The following SEPTIN5 variants were observed in gnomAD, a reference collection of about 807,000 sequenced individuals.
SEPTIN5 encodes septin-5.
Under a neutral mutation model 51.2 loss-of-function variants are expected in SEPTIN5, and 16 were observed. That is an observed-to-expected ratio of 0.31 (90% confidence interval 0.21 to 0.47). The LOEUF (loss-of-function observed/expected upper bound fraction) is 0.47. Among genes scored for constraint, SEPTIN5 ranks in the 20% least tolerant of loss-of-function variants. The pLI is 0.99. For missense variants in SEPTIN5, 376 were observed against 500.3 expected, an observed-to-expected ratio of 0.75 and a Z score of 2.37; for synonymous variants, 208 against 191.2, an observed-to-expected ratio of 1.09 and a Z score of -0.72.
intron 2 of SEPTIN5, among the ~76,000 whole-genome samples, chr22:19,715,731 C>T (rs1015166341): frequency 2.0e-5 from 3 of 152,058 alleles, no homozygotes; most frequent in Admixed American, 1.3e-4. Context: ...GGCAGGAGGG[C>T]GGGCAGGGGG....
At chr22:19,719,530 T>G in intron 2 of SEPTIN5, 72 bp from the exon 3 acceptor site, 2 of 1,254,118 alleles carry the variant, frequency 1.6e-6, no homozygotes, top group Non-Finnish European at 2.3e-6. Context: ...TCATACCGCA[T>G]TTGGTAAGAG....
chr22:19,715,041 G>T (rs927599907), intron 2 of SEPTIN5, among the ~76,000 whole-genome samples: 1 of 152,250 alleles, frequency 6.6e-6, no homozygotes, highest in Admixed American at 6.5e-5. Context: ...GATGGGCAGA[G>T]TGTCCCCCTC....
rs765595328 is a variant in SEPTIN5 at position 19,714,730 on chromosome 22, C to T, written c.44-51C>T. ...TCCGTCTCTCCCCCGCCCGCCGGCC[C>T]GGACCCGCTCGGAACCGGACCCGGA... On this transcript the variant is annotated intron_variant, in intron 1 of 11. Transcript: ENST00000455784. The surrounding 1 kb of genome is among the most constrained non-coding windows in gnomAD (Gnocchi z 5.2). 5.1e-6 allele frequency: 8 copies of T among 1,571,516 alleles called. No individual in the cohort carries two copies. The highest frequency in any genetic ancestry group is 3.8e-4 in the Middle Eastern group (2 of 5,276).
intron 2 of SEPTIN5, among the ~76,000 whole-genome samples, chr22:19,715,587 T>C (rs563170681): frequency 2.6e-5 from 4 of 152,278 alleles, no homozygotes; most frequent in Admixed American, 2.0e-4. Flanking sequence ...AGCTCAGCCA[T>C]CTTTGGAGGA....
chr22:19,714,560 G>C lies in SEPTIN5; in HGVS notation c.-29G>C. The C allele has an allele frequency of 7.3e-7, 1 of 1,375,322 alleles. No homozygotes were observed. The highest frequency in any genetic ancestry group is 9.4e-7 in the Non-Finnish European group (1 of 1,064,326). 85.2% of individuals were successfully genotyped at this position (1,375,322 alleles called of 1,614,324 possible). A position where few individuals can be genotyped will look rare whatever the true frequency, so the allele number is the denominator to read the frequency against. On this transcript the variant is annotated 5_prime_UTR_variant, in exon 1 of 12. Transcript: ENST00000455784. This position sits in a 1 kb window ranked among gnomAD's most constrained non-coding sequence, Gnocchi z 5.2. Reference sequence around the variant, plus strand: ...GTCGTCGCGCCCCGCCCGCGAGCCCGCCCCGCACGTCCCCCGCCGGCGGCC... The same window carrying C: ...GTCGTCGCGCCCCGCCCGCGAGCCCCCCCCGCACGTCCCCCGCCGGCGGCC...
Position 19,720,252 on chromosome 22 carries a change from G to C in SEPTIN5, c.362+14G>C. 2 of 1,613,510 alleles carry C rather than the reference G, an allele frequency of 1.2e-6. No individual in the cohort carries two copies. Among genetic ancestry groups the C allele is most frequent in the Non-Finnish European group, 1.7e-6 (2 of 1,180,002 alleles). ...CAACACCGAGTGGTGAGTGAGGCCT[G>C]CTGAGAAAGGCCTTGCCTAGGCGGC... On this transcript the variant is annotated intron_variant, in intron 5 of 11. Transcript: ENST00000455784.
chr22:19,720,635 T>G lies in SEPTIN5; in HGVS notation c.584T>G (p.Val195Gly). The change falls in exon 7 of 12, where the codon GTC becomes GGC. Residue 195 changes from valine to glycine, a missense_variant. Val to Gly is a moderately radical substitution (Grantham distance 109, BLOSUM62 -3). Coordinates refer to ENST00000455784, the MANE Select transcript of SEPTIN5 (RefSeq NM_002688.6). ...VPLIAKADCL[V>G]PSEIRKLKER... ...CTCATCGCCAAAGCTGACTGTCTTG[T>G]CCCCAGTGAGATCCGGAAGCTGAAG... 1 of 1,612,874 alleles carries G rather than the reference T, an allele frequency of 6.2e-7. No homozygotes were observed. Among genetic ancestry groups the G allele is most frequent in the Non-Finnish European group, 8.5e-7 (1 of 1,180,002 alleles).
In SEPTIN5 at chr22:19,720,880, A is replaced by G. The variant is rs926397210; in HGVS notation, c.717+11A>G. 3.7e-6 allele frequency: 6 copies of G among 1,609,976 alleles called. No individual in the cohort carries two copies. The highest frequency in any genetic ancestry group is 3.3e-4 in the Middle Eastern group (2 of 6,076). On this transcript the variant is annotated intron_variant, in intron 8 of 11. Coordinates refer to ENST00000455784, the MANE Select transcript of SEPTIN5 (RefSeq NM_002688.6). Reference sequence around the variant, plus strand: ...GACCGGGAACTGAAGGTGAACATGCAGACTGGTGGGGCAGGGGGGATGGAG... The same window carrying G: ...GACCGGGAACTGAAGGTGAACATGCGGACTGGTGGGGCAGGGGGGATGGAG...
At chr22:19,716,063 C>T (rs1247570795) in intron 2 of SEPTIN5, among the ~76,000 whole-genome samples, 1 of 152,234 alleles carries the variant, frequency 6.6e-6, no homozygotes, top group Non-Finnish European at 1.5e-5. Flanking sequence ...TTGGGTGCAG[C>T]CAGGTTCTCT....
At chr22:19,721,298 G>A (rs1936026637) in intron 8 of SEPTIN5, among the ~76,000 whole-genome samples, 1 of 151,990 alleles carries the variant, frequency 6.6e-6, no homozygotes, top group Admixed American at 6.6e-5. Flanking sequence ...CCATGCCAGG[G>A]GCAGGTGGCC....
Position 19,722,789 on chromosome 22 carries a change from T to TGGCA in SEPTIN5, c.*314_*317dup. The stretch of plus-strand genomic sequence containing the variant: ...AGCACCCAAACCGCAGGCCCTGCTC[T>TGGCA]GGCAGGCAGGCAAAGCTAGGCAGAA... On this transcript the variant is annotated 3_prime_UTR_variant, in exon 12 of 12. Coordinates refer to ENST00000455784, the MANE Select transcript of SEPTIN5 (RefSeq NM_002688.6). 3.9e-6 allele frequency: 2 copies of TGGCA among 514,822 alleles called. No homozygotes were observed. The highest frequency in any genetic ancestry group is 7.1e-6 in the Non-Finnish European group (2 of 283,630). 31.9% of individuals were successfully genotyped at this position (514,822 alleles called of 1,614,324 possible).
rs1256628698 is a variant in SEPTIN5, at chr22:19,714,964, G to A, written c.54+173G>A. On this transcript the variant is annotated intron_variant, in intron 2 of 11. Coordinates refer to ENST00000455784, the MANE Select transcript of SEPTIN5 (RefSeq NM_002688.6). The surrounding 1 kb of genome is among the most constrained non-coding windows in gnomAD (Gnocchi z 5.2). Reference sequence around the variant, plus strand: ...CCGCCGCGCCTGGGGCTTCAGAGGAGAGGAGTGGGGGCCCTGGTCCCCGGA... The same window carrying A: ...CCGCCGCGCCTGGGGCTTCAGAGGAAAGGAGTGGGGGCCCTGGTCCCCGGA... 6.6e-6 allele frequency among the ~76,000 whole-genome samples: 1 copy of A among 152,210 alleles called. No individual in the cohort carries two copies. The highest frequency in any genetic ancestry group is 1.9e-4 in the East Asian group (1 of 5,182).
chr22:19,722,081 TC>T, intron 10 of SEPTIN5, 124 bp downstream of exon 10: 1 of 1,165,964 alleles, frequency 8.6e-7, no homozygotes, highest in South Asian at 1.6e-5. Flanking sequence ...GCCCCCCCCC[TC>T]CCCCAGAGCC....
chr22:19,714,653 G>T lies in SEPTIN5; in HGVS notation c.43+22G>T. 1.3e-6 allele frequency: 2 copies of T among 1,511,096 alleles called. No individual in the cohort carries two copies. Among genetic ancestry groups the T allele is most frequent in the Non-Finnish European group, 8.8e-7 (1 of 1,135,150 alleles). The allele number at this position is 1,511,096 out of a possible 1,614,324, so 93.6% of individuals were successfully genotyped here. ...CCAGGTGAGCCCAGCGCCTGCCCGC[G>T]TGCCCGCGCGCGCCTTTGTCCCCGC... On this transcript the variant is annotated intron_variant, in intron 1 of 11. Transcript: ENST00000455784. The surrounding 1 kb of genome is among the most constrained non-coding windows in gnomAD (Gnocchi z 5.2).
chr22:19,721,244 G>T (rs1936025321), intron 8 of SEPTIN5, among the ~76,000 whole-genome samples: 1 of 152,264 alleles, frequency 6.6e-6, no homozygotes, highest in Non-Finnish European at 1.5e-5. Flanking sequence ...GAGCTCCAGG[G>T]TTGGTGGCTT....
rs983609727 is a variant in SEPTIN5, at chr22:19,718,428, G to C, written c.55-1174G>C. On this transcript the variant is annotated intron_variant, in intron 2 of 11. Coordinates refer to ENST00000455784, the MANE Select transcript of SEPTIN5 (RefSeq NM_002688.6). Reference sequence around the variant, plus strand: ...CCGTCTCTGCCGCCCCCCGCCGCGCGCTCCGCGGGCGCCTGCGACGCCCCG... The same window carrying C: ...CCGTCTCTGCCGCCCCCCGCCGCGCCCTCCGCGGGCGCCTGCGACGCCCCG... 11 of 1,072,206 alleles carry C rather than the reference G, an allele frequency of 1.0e-5. No individual in the cohort carries two copies. In the African/African-American group the frequency reaches 1.5e-4, roughly 15 times the overall value. The allele number at this position is 1,072,206 out of a possible 1,614,324, so 66.4% of individuals were successfully genotyped here.
chr22:19,719,997 G>A, intron 4 of SEPTIN5, 105 bp downstream of exon 4: 1 of 1,600,548 alleles, frequency 6.2e-7, no homozygotes, highest in Non-Finnish European at 8.5e-7. Context: ...TGTTCTCGCG[G>A]TGTGGGTCCC....
Position 19,714,806 on chromosome 22 carries a change from C to T in SEPTIN5, c.54+15C>T. The T allele has an allele frequency of 1.9e-6, 3 of 1,593,222 alleles. No homozygotes were observed. In the African/African-American group the frequency reaches 4.1e-5, roughly 22 times the overall value. ...AGGACAAGCAGGTACGTGCGCAGCGCCGCTCCCCCGCCGGGAGACCCGGCC... is the reference window on the plus strand; with the variant it reads ...AGGACAAGCAGGTACGTGCGCAGCGTCGCTCCCCCGCCGGGAGACCCGGCC... On this transcript the variant is annotated intron_variant, in intron 2 of 11. Coordinates refer to ENST00000455784, the MANE Select transcript of SEPTIN5 (RefSeq NM_002688.6). The surrounding 1 kb of genome is among the most constrained non-coding windows in gnomAD (Gnocchi z 5.2).
chr22:19,722,575 A>C lies in SEPTIN5; in HGVS notation c.*91A>C. 1 of 1,347,606 alleles carries C rather than the reference A, an allele frequency of 7.4e-7. No homozygotes were observed. The highest frequency in any genetic ancestry group is 1.0e-6 in the Non-Finnish European group (1 of 969,216). The allele number at this position is 1,347,606 out of a possible 1,614,324, so 83.5% of individuals were successfully genotyped here. On this transcript the variant is annotated 3_prime_UTR_variant, in exon 12 of 12. Transcript: ENST00000455784. ...GTTCCCGACCCGGAGACGCGGGGCC[A>C]CAGCCCCCAGCTGACCCTAATTTAT... is the stretch of plus-strand genomic sequence containing the variant.
Sources: gnomAD v4.1 joint callset for allele counts (sites outside exome capture counted in the v4.1 genomes callset) on GRCh38, gnomAD v4.1.1 for gene constraint, Gnocchi (gnomAD v3.1) non-coding constraint, MANE v1.5 for transcripts, NCBI Gene and HGNC (gene_info 2026-07-23, HGNC 2026-07-21) for gene names.